ATF2: variants seen among roughly 807,000 people sequenced by gnomAD.
ATF2 encodes the protein cyclic AMP-dependent transcription factor ATF-2.
ATF2 carries 24 observed loss-of-function variants against 60.6 expected under a neutral mutation model. That is an observed-to-expected ratio of 0.40 (90% CI 0.29 to 0.56). The LOEUF (loss-of-function observed/expected upper bound fraction) is 0.56, where lower values mean the gene tolerates loss of function less well. Ranked by LOEUF, ATF2 falls within the 20% of genes least tolerant of loss-of-function variation. ATF2 has a pLI of 0.54. For synonymous variants in ATF2, 206 were observed against 215.4 expected (o/e 0.96, Z 0.38); for missense variants, 433 against 607.7 (o/e 0.71, Z 3.02).
intron 1 of ATF2, among the ~76,000 whole-genome samples, chr2:175,151,566 A>G (rs966297163): frequency 2.0e-5 from 3 of 152,150 alleles, no homozygotes; most frequent in African/African-American, 7.2e-5. Context: ...TTCTTATGTC[A>G]TTGCTGCACA....
At chr2:175,154,905 GAATT>G (rs1233716107) in intron 1 of ATF2, among the ~76,000 whole-genome samples, 1 of 152,208 alleles carries the variant, frequency 6.6e-6, no homozygotes, top group Non-Finnish European at 1.5e-5. Flanking sequence ...TATGAGAAAG[GAATT>G]AATCCTCTCT....
In ATF2 at chr2:175,141,380, C is replaced by T. The variant is rs147960372; in HGVS notation, c.-43-4894G>A. Among the ~76,000 whole-genome samples the T allele has an allele frequency of 1.1e-3, 170 of 152,052 alleles. 2 individuals carry two copies. In the East Asian group the frequency reaches 0.024, roughly 21 times the overall value. On this transcript the variant is annotated intron_variant, in intron 2 of 13. Transcript: ENST00000264110. ...TGGCAGGGGCTTAATAAAGTGCCCCCGGCACTTTATCCAAATTAAATACAA... is the reference window on the plus strand; with the variant it reads ...TGGCAGGGGCTTAATAAAGTGCCCCTGGCACTTTATCCAAATTAAATACAA...
In ATF2 at chr2:175,128,562, G is replaced by A. The variant is rs368955721; in HGVS notation, c.102+1576C>T. ...ACACCATACACAAAAATTAATTCAA[G>A]ATTAAAGAGAAATCTAAATGAAACA... On this transcript the variant is annotated intron_variant, in intron 4 of 13. Transcript: ENST00000264110. Among the ~76,000 whole-genome samples the A allele has an allele frequency of 3.3e-4, 50 of 150,154 alleles. 1 individual carries two copies. Among genetic ancestry groups the A allele is most frequent in the African/African-American group, 1.1e-3 (47 of 41,002 alleles).
At chr2:175,092,447 T>G (rs764673819) in intron 12 of ATF2, 1 of 173,212 alleles carries the variant, frequency 5.8e-6, no homozygotes, top group African/African-American at 2.4e-5. Flanking sequence ...GGTGCTGCCT[T>G]AAAACTTTAT....
chr2:175,115,076 T>C (rs1696455249), intron 7 of ATF2, among the ~76,000 whole-genome samples: 1 of 146,388 alleles, frequency 6.8e-6, no homozygotes, highest in Non-Finnish European at 1.5e-5. Context: ...TTAAAAAGAC[T>C]CGTTTTTTTT....
At chr2:175,148,411 A>G (rs1268520883) in intron 2 of ATF2, among the ~76,000 whole-genome samples, 2 of 138,320 alleles carry the variant, frequency 1.4e-5, no homozygotes, top group Non-Finnish European at 3.1e-5. Flanking sequence ...AATAAAGCAC[A>G]GTCCACTGAG....
intron 7 of ATF2, among the ~76,000 whole-genome samples, chr2:175,117,788 T>C (rs554190941): frequency 2.6e-4 from 40 of 152,114 alleles, no homozygotes; most frequent in African/African-American, 7.2e-4. Context: ...AACATGACTG[T>C]TCTCCCCTAT....
chr2:175,101,415 C>G (rs752882440), intron 10 of ATF2, among the ~76,000 whole-genome samples: 4 of 151,662 alleles, frequency 2.6e-5, no homozygotes, highest in Admixed American at 1.3e-4. Context: ...TGACTAGTAC[C>G]CAGTCTATAG....
At position 175,145,833 on chromosome 2, in the gene ATF2, T is replaced by C. The variant is rs140645412; in HGVS notation, c.-44+5227A>G. Among the ~76,000 whole-genome samples the C allele has an allele frequency of 1.4e-4, 22 of 152,274 alleles. No individual in the cohort carries two copies. In the East Asian group the frequency reaches 3.9e-3, roughly 27 times the overall value. On this transcript the variant is annotated intron_variant, in intron 2 of 13. Transcript: ENST00000264110. ...ATAATATGATGATCAAAATAAATAA[T>C]GATAGTAATGGATCACATCGTAAAT...
intron 12 of ATF2, among the ~76,000 whole-genome samples, chr2:175,088,974 G>C (rs1694359168): frequency 6.6e-6 from 1 of 152,160 alleles, no homozygotes; most frequent in South Asian, 2.1e-4. Flanking sequence ...TTGAGGTCGG[G>C]AGTTCGAGAC....
At chr2:175,145,387 C>T (rs1207271364) in intron 2 of ATF2, among the ~76,000 whole-genome samples, 1 of 152,110 alleles carries the variant, frequency 6.6e-6, no homozygotes, top group Admixed American at 6.5e-5. Context: ...AAATTGTGTG[C>T]CCCCTGCAAC....
Position 175,136,476 on chromosome 2 carries a change from T to C in ATF2, c.-33A>G. ...ATAACTTATCACATTCTTTTTCTCA[T>C]GGCAAGAATACTGAAAAACAAAGTG... On this transcript the variant is annotated 5_prime_UTR_variant, in exon 3 of 14. It removes an upstream start codon present in the reference 5' UTR. Coordinates refer to ENST00000264110, the MANE Select transcript of ATF2 (RefSeq NM_001880.4). 2 of 1,590,086 alleles carry C rather than the reference T, an allele frequency of 1.3e-6. No homozygotes were observed. The highest frequency in any genetic ancestry group is 2.2e-5 in the East Asian group (1 of 44,502).
At chr2:175,077,464 T>TA (rs1422258649) in intron 13 of ATF2, among the ~76,000 whole-genome samples, 2 of 152,150 alleles carry the variant, frequency 1.3e-5, no homozygotes, top group African/African-American at 2.4e-5. Flanking sequence ...CACCTGTTGT[T>TA]TCCTGACTTT....
intron 4 of ATF2, among the ~76,000 whole-genome samples, chr2:175,124,967 A>AT (rs1389942913): frequency 6.6e-6 from 1 of 152,086 alleles, no homozygotes; most frequent in Non-Finnish European, 1.5e-5. Context: ...TAACTGAGGC[A>AT]TACAAGAAAA....
At chr2:175,085,852 G>A (rs1366820708) in intron 12 of ATF2, among the ~76,000 whole-genome samples, 3 of 152,072 alleles carry the variant, frequency 2.0e-5, no homozygotes, top group Admixed American at 2.0e-4. Flanking sequence ...TTAACTTGGG[G>A]AAACAATGGA....
chr2:175,085,442 G>A (rs1402497240), intron 12 of ATF2, among the ~76,000 whole-genome samples: 1 of 152,036 alleles, frequency 6.6e-6, no homozygotes, highest in East Asian at 1.9e-4. Flanking sequence ...GGCTGAGGCA[G>A]GAGAACTGCT....
rs1176740705 is a variant in ATF2, at chr2:175,080,601, C to CCT, written c.1291+58_1291+59insAG. The CCT allele has an allele frequency of 1.1e-5, 14 of 1,285,450 alleles. No individual in the cohort carries two copies. The East Asian group carries it at 2.9e-4, about 26-fold the overall frequency. 79.6% of individuals were successfully genotyped at this position (1,285,450 alleles called of 1,614,324 possible). On this transcript the variant is annotated intron_variant, in intron 13 of 13. Coordinates refer to ENST00000264110, the MANE Select transcript of ATF2 (RefSeq NM_001880.4). ...CCATTTTTAAAGTAGCAGCTCAGTT[C>CCT]ACTCTGACGGTATTTCACTGACGTA... is the stretch of plus-strand genomic sequence containing the variant.
At chr2:175,092,319 A>T (rs1694607789) in intron 12 of ATF2, 1 of 156,700 alleles carries the variant, frequency 6.4e-6, no homozygotes, top group South Asian at 1.9e-4. Flanking sequence ...CAATTCATTA[A>T]CATCAATTTT....
At chr2:175,075,038 A>T in intron 13 of ATF2, 18 of 1,439,784 alleles carry the variant, frequency 1.3e-5, no homozygotes, top group Non-Finnish European at 1.6e-5. Flanking sequence ...ATGCATATGG[A>T]AACATCTGGG....
Sources: gnomAD v4.1 joint callset for allele counts (sites outside exome capture counted in the v4.1 genomes callset) on GRCh38, gnomAD v4.1.1 for gene constraint, MANE v1.5 for transcripts, NCBI Gene and HGNC (gene_info 2026-07-23, HGNC 2026-07-21) for gene names.